TNRC6B: variants seen among roughly 807,000 people sequenced by gnomAD.
TNRC6B encodes trinucleotide repeat-containing gene 6B protein.
TNRC6B carries 52 observed loss-of-function variants against 203.6 expected under a neutral mutation model. The observed-to-expected ratio is 0.26, with a 90% confidence interval of 0.20 to 0.32. The LOEUF (loss-of-function observed/expected upper bound fraction) is 0.32. Ranked by LOEUF, TNRC6B falls within the 10% of genes least tolerant of loss-of-function variation. The probability of loss-of-function intolerance (pLI) is 1.00; values close to 1 mark genes in which losing one functional copy is unlikely to be tolerated. For synonymous variants in TNRC6B, 838 were observed against 845.7 expected (o/e 0.99, Z 0.16); for missense variants, 1,923 against 2,286.2 (o/e 0.84, Z 3.24).
intron 9 of TNRC6B, 73 bp from the exon 10 acceptor site, chr22:40,279,922 G>A: frequency 1.4e-6 from 2 of 1,380,072 alleles, no homozygotes; most frequent in South Asian, 2.4e-5. Context: ...GAGGATAGTG[G>A]GGCAGGTCAC....
intron 3 of TNRC6B, among the ~76,000 whole-genome samples, chr22:40,153,023 A>G: frequency 6.6e-6 from 1 of 151,804 alleles, no homozygotes; most frequent in East Asian, 1.9e-4. Flanking sequence ...AACCGCTTGA[A>G]CCCAGGAGGG....
upstream of TNRC6B, among the ~76,000 whole-genome samples, chr22:40,174,975 A>T (rs1356145143): frequency 6.6e-6 from 1 of 152,178 alleles, no homozygotes; most frequent in African/African-American, 2.4e-5. Context: ...TAATGTATTT[A>T]TTGCACTTGT....
At chr22:40,163,773 GAAAGA>G (rs1359413229) in intron 4 of TNRC6B, among the ~76,000 whole-genome samples, 1 of 151,670 alleles carries the variant, frequency 6.6e-6, no homozygotes, top group Non-Finnish European at 1.5e-5. Flanking sequence ...AAAACAAAAA[GAAAGA>G]AAAGAAAAGG....
Position 40,312,998 on chromosome 22 carries a change from G to A in TNRC6B, c.4678+1G>A. 6.2e-7 allele frequency: 1 copy of A among 1,611,356 alleles called. No individual in the cohort carries two copies. Among genetic ancestry groups the A allele is most frequent in the Non-Finnish European group, 8.5e-7 (1 of 1,178,022 alleles). On this transcript the variant is annotated splice_donor_variant, in intron 19 of 22. Transcript: ENST00000454349. LOFTEE classifies it high-confidence loss of function. ...TTTACCAACGTTCATAGCACTTCAG[G>A]TATGAGTGTGAATTTTTTGTTTCCC...
chr22:40,088,971 GA>G (rs930156777), intron 1 of TNRC6B, among the ~76,000 whole-genome samples: 1 of 151,952 alleles, frequency 6.6e-6, no homozygotes, highest in African/African-American at 2.4e-5. Flanking sequence ...CCCTGAGAGT[GA>G]AAAAAGAACT....
At chr22:40,314,430 A>G (rs1026492452) in intron 19 of TNRC6B, among the ~76,000 whole-genome samples, 1 of 152,232 alleles carries the variant, frequency 6.6e-6, no homozygotes, top group African/African-American at 2.4e-5. Context: ...ATCAGTTGCA[A>G]AAACTCCTGA....
At chr22:40,254,367 G>T (rs1323187482) in intron 3 of TNRC6B, among the ~76,000 whole-genome samples, 1 of 152,124 alleles carries the variant, frequency 6.6e-6, no homozygotes, top group Non-Finnish European at 1.5e-5. Context: ...TTAAAAAGAT[G>T]TTAGGGGCCA....
intron 3 of TNRC6B, among the ~76,000 whole-genome samples, chr22:40,143,999 A>G (rs1391187188): frequency 6.6e-6 from 1 of 152,238 alleles, no homozygotes; most frequent in Non-Finnish European, 1.5e-5. Flanking sequence ...GCAAAATACA[A>G]ATTAAAACTG....
At chr22:40,183,628 C>T (rs771093019) in intron 1 of TNRC6B, among the ~76,000 whole-genome samples, 5 of 151,668 alleles carry the variant, frequency 3.3e-5, no homozygotes, top group Admixed American at 1.3e-4. Flanking sequence ...AGCGTTTTCT[C>T]CCTCATTGTG....
At chr22:40,230,682 T>G (rs958388975) in intron 1 of TNRC6B, among the ~76,000 whole-genome samples, 60 of 152,156 alleles carry the variant, frequency 3.9e-4, no homozygotes, top group Admixed American at 3.1e-3. Flanking sequence ...TTTTTCTCAG[T>G]CTGTGGCTTA....
chr22:40,204,112 C>T (rs1026520168), intron 1 of TNRC6B, among the ~76,000 whole-genome samples: 6 of 152,318 alleles, frequency 3.9e-5, no homozygotes, highest in South Asian at 2.1e-4. Flanking sequence ...AAATACTTAA[C>T]TCTGTGTCTT....
chr22:40,152,666 T>C (rs2068769595), intron 3 of TNRC6B, among the ~76,000 whole-genome samples: 1 of 151,924 alleles, frequency 6.6e-6, no homozygotes, highest in African/African-American at 2.4e-5. Flanking sequence ...AGAGATGGGG[T>C]TTCACCATGT....
intron 4 of TNRC6B, among the ~76,000 whole-genome samples, chr22:40,170,053 GA>G: frequency 6.6e-6 from 1 of 151,454 alleles, no homozygotes; most frequent in Non-Finnish European, 1.5e-5. Flanking sequence ...TCTGAGGCAG[GA>G]AGATTGCTTG....
rs1397004397 is a variant in TNRC6B at position 40,301,323 on chromosome 22, A to C, written c.4110A>C (p.Gly1370=). ...TTCAAACCAAAGGGCCAATACCTGG[A>C]TATGGTTCTGGTAAGTTGTTGGTAG... The part of the protein sequence containing the change: ...PDLQTKGPIP[G]YGSGFSSGGM... Residue 1370 remains glycine, a synonymous_variant, in exon 15 of 23, where the codon GGA becomes GGC. Coordinates refer to ENST00000454349, the MANE Select transcript of TNRC6B (RefSeq NM_001162501.2). 1 of 1,606,612 alleles carries C rather than the reference A, an allele frequency of 6.2e-7. No individual in the cohort carries two copies. Among genetic ancestry groups the C allele is most frequent in the South Asian group, 1.1e-5 (1 of 89,484 alleles).
At chr22:40,275,956 T>G (rs1334512209) in intron 7 of TNRC6B, among the ~76,000 whole-genome samples, 1 of 143,642 alleles carries the variant, frequency 7.0e-6, no homozygotes. Flanking sequence ...CGAAACTCAG[T>G]CTCAAAAAAA....
At position 40,278,110 on chromosome 22, in the gene TNRC6B, G is replaced by C; in HGVS notation, c.3262+66G>C. 5 of 1,294,404 alleles carry C rather than the reference G, an allele frequency of 3.9e-6. No homozygotes were observed. The Admixed American group carries it at 9.9e-5, about 26-fold the overall frequency. 80.2% of individuals were successfully genotyped at this position (1,294,404 alleles called of 1,614,324 possible). A position where few individuals can be genotyped will look rare whatever the true frequency, so the allele number is the denominator to read the frequency against. Reference sequence around the variant, plus strand: ...TTACAGTGTCCTTTTGGCATCTCCTGCCCAATTTGATTAGGGATAGGTGCA... The same window carrying C: ...TTACAGTGTCCTTTTGGCATCTCCTCCCCAATTTGATTAGGGATAGGTGCA... On this transcript the variant is annotated intron_variant, in intron 9 of 22. Transcript: ENST00000454349.
intron 1 of TNRC6B, among the ~76,000 whole-genome samples, chr22:40,233,640 T>C (rs2069909868): frequency 6.6e-6 from 1 of 152,126 alleles, no homozygotes; most frequent in East Asian, 1.9e-4. Flanking sequence ...AAAAATTATC[T>C]TACTTTATTT....
At chr22:40,050,730 C>G (rs1218525157) in intron 1 of TNRC6B, among the ~76,000 whole-genome samples, 1 of 152,126 alleles carries the variant, frequency 6.6e-6, no homozygotes, top group Non-Finnish European at 1.5e-5. Flanking sequence ...AAGTGTCAGG[C>G]ATACAACAGA....
chr22:40,127,241 T>C (rs1209871551), intron 3 of TNRC6B, among the ~76,000 whole-genome samples: 2 of 152,176 alleles, frequency 1.3e-5, no homozygotes, highest in Admixed American at 6.5e-5. Context: ...CATTTCTTTC[T>C]GAATGCCCCC....
Sources: allele counts gnomAD v4.1 joint callset (sites outside exome capture counted in the v4.1 genomes callset), GRCh38; gene constraint gnomAD v4.1.1; transcripts MANE v1.5; gene names NCBI Gene and HGNC (gene_info 2026-07-23, HGNC 2026-07-21).